MTHFS: variants seen among roughly 807,000 people sequenced by gnomAD.
The protein encoded by MTHFS is methenyltetrahydrofolate synthetase.
Under a neutral mutation model 12.7 loss-of-function variants are expected in MTHFS, and 7 were observed. That is an observed-to-expected ratio of 0.55 (90% CI 0.31 to 1.03). The LOEUF (loss-of-function observed/expected upper bound fraction) is 1.03, where lower values mean the gene tolerates loss of function less well. Among genes scored for constraint, MTHFS ranks in the 50% least tolerant of loss-of-function variants. The pLI is 0.05. For missense variants in MTHFS, 252 were observed against 258.1 expected (o/e 0.98, Z 0.16); for synonymous variants, 100 against 97.1 (o/e 1.03, Z -0.18).
At chr15:79,889,650 T>C (rs1007856416) in intron 1 of MTHFS, among the ~76,000 whole-genome samples, 2 of 152,142 alleles carry the variant, frequency 1.3e-5, no homozygotes, top group Non-Finnish European at 2.9e-5. Context: ...ATCCAGAGAA[T>C]TCCAGGCTTG....
intron 2 of MTHFS, among the ~76,000 whole-genome samples, chr15:79,879,840 T>C (rs1046256257): frequency 6.6e-6 from 1 of 152,184 alleles, no homozygotes; most frequent in South Asian, 2.1e-4. Context: ...TCAAAATTTC[T>C]TTCCTAGCTC....
chr15:79,882,769 A>G (rs888267513), intron 2 of MTHFS, among the ~76,000 whole-genome samples: 5 of 152,234 alleles, frequency 3.3e-5, no homozygotes, highest in African/African-American at 1.2e-4. Context: ...GCACACAGTA[A>G]CAGGCAGGTA....
chr15:79,872,436 C>A (rs767193928), intron 2 of MTHFS, among the ~76,000 whole-genome samples: 3 of 152,122 alleles, frequency 2.0e-5, no homozygotes, highest in Non-Finnish European at 2.9e-5. Flanking sequence ...GGGGTTATGC[C>A]CAGGAGGGTT....
chr15:79,854,953 G>C (rs943301439), intron 2 of MTHFS, among the ~76,000 whole-genome samples: 5 of 152,110 alleles, frequency 3.3e-5, no homozygotes, highest in Non-Finnish European at 4.4e-5. Context: ...TTACCACTGG[G>C]GTTTGCAAAC....
chr15:79,870,773 A>G (rs1261303508), intron 2 of MTHFS, among the ~76,000 whole-genome samples: 1 of 152,252 alleles, frequency 6.6e-6, no homozygotes, highest in African/African-American at 2.4e-5. Context: ...AATGAAAAAA[A>G]TTCTTTAAAG....
chr15:79,862,363 A>G (rs2033931900), intron 2 of MTHFS, among the ~76,000 whole-genome samples: 1 of 152,212 alleles, frequency 6.6e-6, no homozygotes, highest in South Asian at 2.1e-4. Flanking sequence ...GGGGTCAGCC[A>G]ATTAAATCTG....
At chr15:79,857,015 G>A (rs1273298191) in intron 2 of MTHFS, among the ~76,000 whole-genome samples, 2 of 138,766 alleles carry the variant, frequency 1.4e-5, no homozygotes, top group East Asian at 4.2e-4. Context: ...TTTTTTTTGA[G>A]ACAGAGTTTC....
At chr15:79,854,573 T>C (rs2033769115) in intron 2 of MTHFS, among the ~76,000 whole-genome samples, 1 of 152,344 alleles carries the variant, frequency 6.6e-6, no homozygotes, top group South Asian at 2.1e-4. Context: ...ATGGTTATTA[T>C]CAGTGGTTAC....
intron 2 of MTHFS, among the ~76,000 whole-genome samples, chr15:79,883,692 CACCTTACT>C (rs61528446): frequency 0.42 from 63,328 of 151,418 alleles, 13,513 homozygotes; most frequent in East Asian, 0.53. Context: ...TTACATATAT[CACCTTACT>C]ACCTTACTTT....
At position 79,889,261 on chromosome 15, in the gene MTHFS, T is replaced by C. The variant is rs2034432289; in HGVS notation, c.211A>G (p.Ile71Val). The C allele has an allele frequency of 3.1e-6, 5 of 1,614,200 alleles. No individual in the cohort carries two copies. The highest frequency in any genetic ancestry group is 4.2e-6 in the Non-Finnish European group (5 of 1,180,022). The change falls in exon 2 of 3, where the codon ATT becomes GTT. Residue 71 changes from isoleucine to valine, a missense_variant. Coordinates refer to ENST00000258874, the MANE Select transcript of MTHFS (RefSeq NM_006441.4). ...EIETEEIIKD[I>V]FQRGKICFIP... Reference sequence around the variant, plus strand: ...AAGCAGATTTTGCCTCGTTGGAAAATGTCCTTGATGATCTCTTCTGTCTCA... The same window carrying C: ...AAGCAGATTTTGCCTCGTTGGAAAACGTCCTTGATGATCTCTTCTGTCTCA...
At chr15:79,880,452 C>T (rs1285486092) in intron 2 of MTHFS, among the ~76,000 whole-genome samples, 1 of 151,924 alleles carries the variant, frequency 6.6e-6, no homozygotes, top group Admixed American at 6.6e-5. Flanking sequence ...AAAAGATAAA[C>T]ATTGATGGAT....
intron 2 of MTHFS, among the ~76,000 whole-genome samples, chr15:79,852,827 C>T (rs1296950491): frequency 6.6e-6 from 1 of 152,142 alleles, no homozygotes; most frequent in Non-Finnish European, 1.5e-5. Context: ...ATATTTAAAA[C>T]CCAAGTGTAT....
chr15:79,886,623 A>G (rs2034387119), intron 2 of MTHFS, among the ~76,000 whole-genome samples: 1 of 152,112 alleles, frequency 6.6e-6, no homozygotes, highest in South Asian at 2.1e-4. Flanking sequence ...CCATATTCTA[A>G]ATTTCTATGT....
chr15:79,849,370 TC>T (rs1422606325), intron 2 of MTHFS, among the ~76,000 whole-genome samples: 1 of 152,130 alleles, frequency 6.6e-6, no homozygotes, highest in African/African-American at 2.4e-5. Context: ...CTTACCACCA[TC>T]CCCACATGCA....
intron 2 of MTHFS, among the ~76,000 whole-genome samples, chr15:79,852,728 C>G (rs1256462015): frequency 3.3e-5 from 5 of 152,190 alleles, no homozygotes; most frequent in African/African-American, 4.8e-5. Context: ...TGTAAGGTGG[C>G]CCTTCTCCTA....
At chr15:79,888,708 T>C (rs2034421639) in intron 2 of MTHFS, among the ~76,000 whole-genome samples, 1 of 152,200 alleles carries the variant, frequency 6.6e-6, no homozygotes, top group Non-Finnish European at 1.5e-5. Flanking sequence ...GGGTAGCTGG[T>C]GGTGCCATGT....
chr15:79,864,095 C>T (rs1040683804), intron 2 of MTHFS, among the ~76,000 whole-genome samples: 12 of 152,214 alleles, frequency 7.9e-5, no homozygotes, highest in Non-Finnish European at 1.8e-4. Flanking sequence ...ATAAATAATG[C>T]TCTGAGACTT....
At chr15:79,856,665 G>A (rs1239058450) in intron 2 of MTHFS, among the ~76,000 whole-genome samples, 1 of 152,162 alleles carries the variant, frequency 6.6e-6, no homozygotes, top group Non-Finnish European at 1.5e-5. Flanking sequence ...TATGCAATAT[G>A]AAAAATTCTG....
rs192920344 is a variant in MTHFS, at chr15:79,889,114, G to C, written c.358C>G (p.Arg120Gly). 6.2e-7 allele frequency: 1 copy of C among 1,613,974 alleles called. No homozygotes were observed. The highest frequency in any genetic ancestry group is 8.5e-7 in the Non-Finnish European group (1 of 1,180,024). Residue 120 changes from arginine (R) to glycine (G), a missense_variant, in exon 2 of 3, where the codon CGG becomes GGG. Transcript: ENST00000258874. Reference sequence around the variant, plus strand: ...TCACCTGTGGACAAGGCCTCCTCCCGAACATCACCCTCACCAGGCTGAGGG... The same window carrying C: ...TCACCTGTGGACAAGGCCTCCTCCCCAACATCACCCTCACCAGGCTGAGGG... ...NIPQPGEGDVREEALSTGGLD... is the reference protein window; with the variant it reads ...NIPQPGEGDVGEEALSTGGLD...
Sources: gnomAD v4.1 joint callset for allele counts (sites outside exome capture counted in the v4.1 genomes callset) on GRCh38, gnomAD v4.1.1 for gene constraint, MANE v1.5 for transcripts, NCBI Gene and HGNC (gene_info 2026-07-23, HGNC 2026-07-21) for gene names.